Variants in MAPT observed in about 807,000 individuals in gnomAD.
MAPT encodes the protein microtubule associated protein tau.
In MAPT, 34 loss-of-function variants were observed where a neutral mutation model predicts 67.9. The ratio of observed to expected loss-of-function variants is 0.50; its 90% confidence interval spans 0.38 to 0.67. The LOEUF is 0.67. Among genes scored for constraint, MAPT ranks in the 30% least tolerant of loss-of-function variants. The pLI is 0.00. For missense variants in MAPT, 881 were observed against 1,115.2 expected, an observed-to-expected ratio of 0.79 and a Z score of 2.99; for synonymous variants, 456 against 464.5, an observed-to-expected ratio of 0.98 and a Z score of 0.23.
chr17:45,970,873 C>G (rs2071592875), intron 2 of MAPT, among the ~76,000 whole-genome samples: 1 of 152,236 alleles, frequency 6.6e-6, no homozygotes, highest in Admixed American at 6.5e-5. Flanking sequence ...TGTGGCCATC[C>G]TTCCTCCCTC....
chr17:45,969,406 A>G (rs973641257), intron 2 of MAPT: 38 of 152,034 alleles, frequency 2.5e-4, no homozygotes, highest in African/African-American at 9.2e-4. Flanking sequence ...CCTCCACCCA[A>G]TCATGCATAC....
At chr17:45,937,599 GAAAA>G (rs66493031) in intron 1 of MAPT, among the ~76,000 whole-genome samples, 3 of 73,594 alleles carry the variant, frequency 4.1e-5, no homozygotes, top group Middle Eastern at 6.3e-3. Flanking sequence ...CTCAAAAAAA[GAAAA>G]AAAAAAAGAA....
chr17:45,974,887 G>C (rs1014111438), intron 3 of MAPT: 4 of 245,906 alleles, frequency 1.6e-5, no homozygotes, highest in Non-Finnish European at 3.2e-5. Context: ...TGAGCGCACA[G>C]AGGGTGCAGA....
At chr17:46,011,013 C>T (rs1485931530) in intron 10 of MAPT, among the ~76,000 whole-genome samples, 1 of 152,256 alleles carries the variant, frequency 6.6e-6, no homozygotes, top group Non-Finnish European at 1.5e-5. Context: ...GCAGAGACTC[C>T]AGATGCAAAG....
chr17:45,904,709 AT>A (rs925851242), intron 1 of MAPT, among the ~76,000 whole-genome samples: 39 of 149,920 alleles, frequency 2.6e-4, no homozygotes, highest in African/African-American at 9.3e-4. Flanking sequence ...TTTTTTTTTA[AT>A]TCTATTTATA....
chr17:45,982,147 C>A (rs2073034718), intron 4 of MAPT, among the ~76,000 whole-genome samples: 1 of 151,478 alleles, frequency 6.6e-6, no homozygotes, highest in Non-Finnish European at 1.5e-5. Context: ...CATGGTGAAA[C>A]CCCGTTTCTA....
chr17:45,998,040 A>C (rs1191732152), intron 9 of MAPT, among the ~76,000 whole-genome samples: 2 of 152,176 alleles, frequency 1.3e-5, no homozygotes, highest in African/African-American at 2.4e-5. Context: ...CTGAGGCTGC[A>C]GATGTGCTGG....
chr17:45,953,945 C>T (rs1203045426), intron 1 of MAPT, among the ~76,000 whole-genome samples: 1 of 152,176 alleles, frequency 6.6e-6, no homozygotes, highest in Non-Finnish European at 1.5e-5. Flanking sequence ...CAGAACTCCA[C>T]ACTGAGAATA....
intron 9 of MAPT, among the ~76,000 whole-genome samples, chr17:46,006,648 C>G (rs1433651542): frequency 6.6e-6 from 1 of 152,050 alleles, no homozygotes; most frequent in African/African-American, 2.4e-5. Context: ...GGCATGGTGG[C>G]TCACGCCTGT....
rs1182475716 is a variant in MAPT at position 45,941,701 on chromosome 17, GCCTGCCTT to G, written c.-17-20616_-17-20609del. On this transcript the variant is annotated intron_variant, in intron 1 of 12. Coordinates refer to ENST00000262410, the MANE Select transcript of MAPT (RefSeq NM_001377265.1). ...TTCCCTCCTTCCTTCCTTCCTTCCTGCCTGCCTTCCTTCCTTCCTTCCTTCCTTCCTTC... is the reference window on the plus strand; with the variant it reads ...TTCCCTCCTTCCTTCCTTCCTTCCTGCCTTCCTTCCTTCCTTCCTTCCTTC... Among the ~76,000 whole-genome samples, 634 of 73,502 alleles carry G rather than the reference GCCTGCCTT, an allele frequency of 8.6e-3. 40 individuals carry two copies. Among genetic ancestry groups the G allele is most frequent in the African/African-American group, 0.03 (454 of 15,336 alleles). The allele number at this position is 73,502 out of a possible 152,430, so 48.2% of individuals were successfully genotyped here. A position where few individuals can be genotyped will look rare whatever the true frequency, so the allele number is the denominator to read the frequency against.
chr17:46,014,878 G>A (rs1295020506), intron 11 of MAPT, among the ~76,000 whole-genome samples: 2 of 111,430 alleles, frequency 1.8e-5, no homozygotes, highest in Admixed American at 9.6e-5. Context: ...GCGAGACTCC[G>A]TCTCAAAAAA....
intron 12 of MAPT, among the ~76,000 whole-genome samples, chr17:46,021,052 T>C: frequency 6.6e-6 from 1 of 152,164 alleles, no homozygotes; most frequent in East Asian, 1.9e-4. Context: ...CTGCCTCTGG[T>C]TCTGAACAGA....
At chr17:45,926,916 T>C (rs980594549) in intron 1 of MAPT, among the ~76,000 whole-genome samples, 2 of 147,554 alleles carry the variant, frequency 1.4e-5, no homozygotes, top group East Asian at 1.9e-4. Context: ...TGTATGTGTG[T>C]ATATATATAC....
intron 10 of MAPT, among the ~76,000 whole-genome samples, chr17:46,012,657 T>C (rs1260888581): frequency 6.6e-6 from 1 of 151,860 alleles, no homozygotes; most frequent in Non-Finnish European, 1.5e-5. Flanking sequence ...GGGCCTGCTG[T>C]CCCCCTCCCT....
chr17:46,015,829 A>G (rs921766213), intron 11 of MAPT, among the ~76,000 whole-genome samples: 1 of 152,236 alleles, frequency 6.6e-6, no homozygotes, highest in Non-Finnish European at 1.5e-5. Context: ...CATGAGCCCC[A>G]TAAATATATA....
intron 1 of MAPT, among the ~76,000 whole-genome samples, chr17:45,927,829 T>A (rs1250977241): frequency 6.6e-6 from 1 of 151,590 alleles, no homozygotes; most frequent in Non-Finnish European, 1.5e-5. Flanking sequence ...TGAAACCCCA[T>A]CTCTACTAAA....
At chr17:46,019,740 G>A (rs770697285) in intron 12 of MAPT, among the ~76,000 whole-genome samples, 7 of 151,432 alleles carry the variant, frequency 4.6e-5, no homozygotes, top group Non-Finnish European at 4.4e-5. Flanking sequence ...GGCTGGGTGC[G>A]GTGGCTCATG....
chr17:46,018,707 G>A lies in MAPT; in HGVS notation c.2263G>A (p.Val755Ile), dbSNP rs63750869. 41 of 1,613,842 alleles carry A rather than the reference G, an allele frequency of 2.5e-5. No individual in the cohort carries two copies. The highest frequency in any genetic ancestry group is 3.3e-4 in the Middle Eastern group (2 of 6,084). ...TGGGTCCCTGGACAATATCACCCAC[G>A]TCCCTGGCGGAGGAAATAAAAAGGT... is the stretch of plus-strand genomic sequence containing the variant. The part of the protein sequence containing the change: ...KIGSLDNITH[V>I]PGGGNKKIET... The change falls in exon 12 of 13, where the codon GTC (valine) becomes ATC (isoleucine). Residue 755 changes from valine to isoleucine, a missense_variant. Around this residue, in one of 6 missense-constraint regions of MAPT, gnomAD observed 79 missense variants for 150.9 expected, o/e 0.52. Transcript: ENST00000262410.
intron 11 of MAPT, among the ~76,000 whole-genome samples, chr17:46,017,482 G>A (rs2076263559): frequency 1.5e-5 from 1 of 64,952 alleles, no homozygotes; most frequent in Admixed American, 2.1e-4. Context: ...AGATGGAGTT[G>A]TACTCTCATT....
Sources: gnomAD v4.1 joint callset for allele counts (sites outside exome capture counted in the v4.1 genomes callset) on GRCh38, gnomAD v4.1.1 for gene constraint, gnomAD v4.1.1 regional missense constraint, MANE v1.5 for transcripts, NCBI Gene and HGNC (gene_info 2026-07-23, HGNC 2026-07-21) for gene names.